The following CAMTA1 variants were observed in gnomAD, a reference collection of about 807,000 sequenced individuals.
CAMTA1 encodes calmodulin binding transcription activator 1, also known as calmodulin-binding transcription activator 1.
In CAMTA1, 27 loss-of-function variants were observed where a neutral mutation model predicts 170.9. That is an observed-to-expected ratio of 0.16 (90% confidence interval 0.12 to 0.22). The LOEUF (loss-of-function observed/expected upper bound fraction) is 0.22, where lower values mean the gene tolerates loss of function less well. CAMTA1 is among the 10% of genes least tolerant of loss of function. The pLI, the probability that CAMTA1 is intolerant of heterozygous loss-of-function variation, is 1.00. For synonymous variants in CAMTA1, 833 were observed against 891.5 expected, an observed-to-expected ratio of 0.93 and a Z score of 1.17; for missense variants, 1,619 against 2,217.2, an observed-to-expected ratio of 0.73 and a Z score of 5.42.
At chr1:7,201,862 T>C (rs1656769805) in intron 4 of CAMTA1, among the ~76,000 whole-genome samples, 1 of 152,198 alleles carries the variant, frequency 6.6e-6, no homozygotes, top group South Asian at 2.1e-4. Context: ...TTGGTGTCCT[T>C]TGAAGCACAA....
chr1:6,974,107 A>G (rs1004652112), intron 3 of CAMTA1, among the ~76,000 whole-genome samples: 1 of 152,198 alleles, frequency 6.6e-6, no homozygotes, highest in Non-Finnish European at 1.5e-5. Context: ...GGGGGCCCAC[A>G]CAGTGTGTGG....
chr1:7,079,088 G>T (rs1414908477), intron 3 of CAMTA1, among the ~76,000 whole-genome samples: 4 of 152,218 alleles, frequency 2.6e-5, no homozygotes, highest in African/African-American at 9.6e-5. Flanking sequence ...GGACTCGGAG[G>T]TATTTGCATT....
chr1:7,310,700 C>CTCTCTCTCTCTCTCTT (rs1361709842), intron 5 of CAMTA1, among the ~76,000 whole-genome samples: 25 of 53,476 alleles, frequency 4.7e-4, no homozygotes, highest in Non-Finnish European at 6.7e-4. Flanking sequence ...CTCTCTCTCT[C>CTCTCTCTCTCTCTCTT]TCTTTCTTTC....
chr1:7,347,469 A>G (rs1212444510), intron 5 of CAMTA1, among the ~76,000 whole-genome samples: 1 of 152,226 alleles, frequency 6.6e-6, no homozygotes, highest in Non-Finnish European at 1.5e-5. Flanking sequence ...CCCCCAGGTC[A>G]CAGCCTTTGG....
intron 3 of CAMTA1, among the ~76,000 whole-genome samples, chr1:7,090,871 A>G (rs1319278235): frequency 6.6e-6 from 1 of 152,158 alleles, no homozygotes; most frequent in Non-Finnish European, 1.5e-5. Context: ...GATGAAGCTG[A>G]GAGAATGCGA....
intron 7 of CAMTA1, among the ~76,000 whole-genome samples, chr1:7,653,511 C>T (rs1477614503): frequency 6.6e-6 from 1 of 152,208 alleles, no homozygotes; most frequent in Non-Finnish European, 1.5e-5. Flanking sequence ...GATCCACCCT[C>T]CCCAGCCTCC....
At chr1:7,741,445 C>T (rs1267494396) in intron 16 of CAMTA1, among the ~76,000 whole-genome samples, 1 of 151,998 alleles carries the variant, frequency 6.6e-6, no homozygotes, top group East Asian at 1.9e-4. Context: ...CACCTGTAGT[C>T]CCAGTACTCG....
chr1:7,462,689 T>A (rs1464778161), intron 5 of CAMTA1, among the ~76,000 whole-genome samples: 2 of 152,128 alleles, frequency 1.3e-5, no homozygotes, highest in Non-Finnish European at 2.9e-5. Context: ...TCCGTGGTAG[T>A]TTGATTGGGA....
chr1:7,042,219 A>G (rs977127826), intron 3 of CAMTA1, among the ~76,000 whole-genome samples: 1 of 152,094 alleles, frequency 6.6e-6, no homozygotes, highest in Admixed American at 6.5e-5. Flanking sequence ...CTTTCCTTTC[A>G]GTCTCCAGAA....
chr1:6,971,198 A>C lies in CAMTA1; in HGVS notation c.235-120106A>C, dbSNP rs1692473926. Among the ~76,000 whole-genome samples, 1 of 152,192 alleles carries C rather than the reference A, an allele frequency of 6.6e-6. No homozygotes were observed. The highest frequency in any genetic ancestry group is 2.4e-5 in the African/African-American group (1 of 41,454). ...AGACGTTCCTGCTGGAGAAGAGCAC[A>C]CGATGGGCCTCGCTCCTCATGCTCC... On this transcript the variant is annotated intron_variant, in intron 3 of 22. Transcript: ENST00000303635. The surrounding 1 kb of genome is among the most constrained non-coding windows in gnomAD (Gnocchi z 4.6).
chr1:7,655,399 TACAC>T (rs1219753265), intron 7 of CAMTA1, among the ~76,000 whole-genome samples: 1 of 81,224 alleles, frequency 1.2e-5, no homozygotes, highest in Non-Finnish European at 2.4e-5. Flanking sequence ...TGCACACAAA[TACAC>T]CCACCTATAC....
intron 3 of CAMTA1, among the ~76,000 whole-genome samples, chr1:7,079,725 G>A (rs1232154631): frequency 1.3e-5 from 2 of 151,642 alleles, no homozygotes; most frequent in South Asian, 2.1e-4. Context: ...CTCCCACCTC[G>A]GCCTCCCAAA....
At chr1:7,476,167 CCTCGGCAGGGGACA>C (rs1377816418) in intron 6 of CAMTA1, among the ~76,000 whole-genome samples, 1 of 152,224 alleles carries the variant, frequency 6.6e-6, no homozygotes, top group African/African-American at 2.4e-5. Context: ...AGCACTTGGA[CCTCGGCAGGGGACA>C]CTGAGCCAGC....
At chr1:7,257,085 G>GGGT (rs1176395131) in intron 5 of CAMTA1, among the ~76,000 whole-genome samples, 31 of 151,454 alleles carry the variant, frequency 2.0e-4, no homozygotes, top group Admixed American at 1.4e-3. Flanking sequence ...GCGGGGGCGG[G>GGGT]GGTTGGTTTT....
In CAMTA1 at chr1:7,732,372, G is replaced by A. The variant is rs1487239242; in HGVS notation, c.2915-76G>A. The A allele has an allele frequency of 3.7e-6, 5 of 1,336,422 alleles. No homozygotes were observed. Among genetic ancestry groups the A allele is most frequent in the African/African-American group, 2.9e-5 (2 of 69,360 alleles). 82.8% of individuals were successfully genotyped at this position (1,336,422 alleles called of 1,614,324 possible). A position where few individuals can be genotyped will look rare whatever the true frequency, so the allele number is the denominator to read the frequency against. ...CGGACGGCATTTGGATGCTGGTCCCGCAAGGCTGGCGAGGCCACGTGTTGA... is the reference window on the plus strand; with the variant it reads ...CGGACGGCATTTGGATGCTGGTCCCACAAGGCTGGCGAGGCCACGTGTTGA... On this transcript the variant is annotated intron_variant, in intron 11 of 22. Transcript: ENST00000303635. This position sits in a 1 kb window ranked among gnomAD's most constrained non-coding sequence, Gnocchi z 4.1.
intron 6 of CAMTA1, among the ~76,000 whole-genome samples, chr1:7,492,757 A>C (rs2093734602): frequency 7.2e-6 from 1 of 139,524 alleles, no homozygotes; most frequent in South Asian, 2.5e-4. Flanking sequence ...GCACACACAC[A>C]CAAACCTACA....
At chr1:7,352,582 C>T (rs2084769170) in intron 5 of CAMTA1, among the ~76,000 whole-genome samples, 1 of 152,180 alleles carries the variant, frequency 6.6e-6, no homozygotes, top group African/African-American at 2.4e-5. Context: ...GGCCATCCAC[C>T]CATGGGCCCC....
intron 3 of CAMTA1, among the ~76,000 whole-genome samples, chr1:6,990,642 T>C (rs1238957281): frequency 1.3e-5 from 2 of 152,146 alleles, no homozygotes; most frequent in African/African-American, 4.8e-5. Flanking sequence ...ATTTCTATCA[T>C]CCCAAAAGGG....
rs896993260 is a variant in CAMTA1 at position 7,680,687 on chromosome 1, C to T, written c.2914+2954C>T. Among the ~76,000 whole-genome samples the T allele has an allele frequency of 1.1e-4, 16 of 152,088 alleles. No homozygotes were observed. The highest frequency in any genetic ancestry group is 3.9e-4 in the African/African-American group (16 of 41,438). On this transcript the variant is annotated intron_variant, in intron 11 of 22. Transcript: ENST00000303635. This position sits in a 1 kb window ranked among gnomAD's most constrained non-coding sequence, Gnocchi z 4.4. ...TGGCTCCCTCGTTCGGTGGCCTCTG[C>T]TGCATGTGGGATGCGCCCTTTGTCC...
Sources: allele counts gnomAD v4.1 joint callset (sites outside exome capture counted in the v4.1 genomes callset), GRCh38; gene constraint gnomAD v4.1.1; non-coding constraint Gnocchi (gnomAD v3.1); transcripts MANE v1.5; gene names NCBI Gene and HGNC (gene_info 2026-07-23, HGNC 2026-07-21).